The following MYOM2 variants were observed in gnomAD, a reference collection of about 807,000 sequenced individuals.
MYOM2 encodes myomesin 2, also known as myomesin-2.
A neutral mutation model predicts 187.6 loss-of-function variants in MYOM2; 254 were observed. The observed-to-expected ratio is 1.35, with a 90% CI of 1.22 to 1.50. The LOEUF (loss-of-function observed/expected upper bound fraction) is 1.50. Ranked by LOEUF, MYOM2 falls within the 40% of genes most tolerant of loss-of-function variation. The probability of loss-of-function intolerance (pLI) is 0.00; values close to 1 mark genes in which losing one functional copy is unlikely to be tolerated. For missense variants in MYOM2, 2,796 were observed against 1,924.0 expected, an observed-to-expected ratio of 1.45 and a Z score of -8.48; for synonymous variants, 981 against 753.8, an observed-to-expected ratio of 1.30 and a Z score of -4.94.
At chr8:2,051,134 T>C (rs1472277742) in intron 2 of MYOM2, among the ~76,000 whole-genome samples, 2 of 151,916 alleles carry the variant, frequency 1.3e-5, no homozygotes, top group African/African-American at 2.4e-5. Flanking sequence ...ATGAGCTCGT[T>C]GATTTTACTG....
intron 19 of MYOM2, chr8:2,100,557 C>G (rs1796671204): frequency 3.2e-6 from 1 of 317,162 alleles, no homozygotes; most frequent in South Asian, 4.9e-5. Flanking sequence ...TGGAGGGTAA[C>G]TTGAGAACCT....
chr8:2,109,819 A>C (rs1174082106), intron 25 of MYOM2, among the ~76,000 whole-genome samples: 9 of 152,202 alleles, frequency 5.9e-5, no homozygotes, highest in Non-Finnish European at 1.3e-4. Context: ...GGTGGGGGAA[A>C]ATATCCTTGA....
In MYOM2 at chr8:2,142,078, GA is replaced by G. The variant is rs33965995; in HGVS notation, c.4002-284del. ...CTCCAGTGCAATCTAGTGAATTTGT[GA>G]AAAAAAAAAAAATCTCTTCAACCTG... On this transcript the variant is annotated intron_variant, in intron 34 of 36. Coordinates refer to ENST00000262113, the MANE Select transcript of MYOM2 (RefSeq NM_003970.4). Among the ~76,000 whole-genome samples, 728 of 148,632 alleles carry G rather than the reference GA, an allele frequency of 4.9e-3. 15 individuals are homozygous for G. The highest frequency in any genetic ancestry group is 0.045 in the East Asian group (228 of 5,028).
At chr8:2,049,832 T>A (rs1173680482) in intron 1 of MYOM2, among the ~76,000 whole-genome samples, 1 of 152,168 alleles carries the variant, frequency 6.6e-6, no homozygotes, top group Non-Finnish European at 1.5e-5. Context: ...GATTGCCATG[T>A]CTAATACCTG....
rs201298942 is a variant in MYOM2 at position 2,116,015 on chromosome 8, G to T, written c.3236G>T (p.Arg1079Leu). 59 of 1,613,686 alleles carry T rather than the reference G, an allele frequency of 3.7e-5. No individual in the cohort carries two copies. In the Admixed American group the frequency reaches 7.5e-4, roughly 21 times the overall value. ...ATGIIEMVMDRFSIENEGTYT... is the reference protein window; with the variant it reads ...ATGIIEMVMDLFSIENEGTYT... Reference sequence around the variant, plus strand: ...GGCATTATTGAGATGGTGATGGATCGATTTAGTATTGAAAATGAGGGGACC... The same window carrying T: ...GGCATTATTGAGATGGTGATGGATCTATTTAGTATTGAAAATGAGGGGACC... The change falls in exon 26 of 37, where the codon CGA becomes CTA. Residue 1079 changes from arginine to leucine, a missense_variant. Coordinates refer to ENST00000262113, the MANE Select transcript of MYOM2 (RefSeq NM_003970.4).
At chr8:2,092,982 G>T (rs1401208253) in intron 16 of MYOM2, among the ~76,000 whole-genome samples, 1 of 152,170 alleles carries the variant, frequency 6.6e-6, no homozygotes, top group African/African-American at 2.4e-5. Flanking sequence ...AGCCTCGGGG[G>T]ATGCTGGTTG....
At position 2,106,259 on chromosome 8, in the gene MYOM2, G is replaced by A; in HGVS notation, c.2752G>A (p.Ala918Thr). 15 of 1,614,138 alleles carry A rather than the reference G, an allele frequency of 9.3e-6. No homozygotes were observed. Among genetic ancestry groups the A allele is most frequent in the Non-Finnish European group, 1.3e-5 (15 of 1,180,024 alleles). ...TTATGCAGGCACCAAGGAAATCAGT[G>A]CTGGTGTCGATGAACAAGGCAACAT... ...EARPGTKEIS[A>T]GVDEQGNIYL... The change falls in exon 22 of 37, where the codon GCT (alanine) becomes ACT (threonine). Residue 918 changes from alanine to threonine, a missense_variant. Transcript: ENST00000262113.
chr8:2,097,050 C>T, intron 18 of MYOM2: 7 of 881,768 alleles, frequency 7.9e-6, no homozygotes, highest in Non-Finnish European at 9.5e-6. Flanking sequence ...GAATGACCCT[C>T]ATCTCACACT....
At chr8:2,113,205 G>A (rs780639911) in intron 25 of MYOM2, among the ~76,000 whole-genome samples, 1 of 152,238 alleles carries the variant, frequency 6.6e-6, no homozygotes, top group Non-Finnish European at 1.5e-5. Flanking sequence ...GCTGGACATT[G>A]GATTCCCTCG....
rs191253956 is a variant in MYOM2 at position 2,085,172 on chromosome 8, C to T, written c.1517-91C>T. 1.7e-3 allele frequency: 2,559 copies of T among 1,482,334 alleles called. 88 individuals carry two copies. The Admixed American group carries it at 0.051, about 30-fold the overall frequency. The allele number at this position is 1,482,334 out of a possible 1,614,324, so 91.8% of individuals were successfully genotyped here. ...AATAGAAACAAAACAAGTTCAACAC[C>T]CACGTGGCAGAGTCCTCCAGTGCCC... is the stretch of plus-strand genomic sequence containing the variant. On this transcript the variant is annotated intron_variant, in intron 13 of 36. Transcript: ENST00000262113.
At chr8:2,107,186 C>G (rs1004230979) in intron 23 of MYOM2, among the ~76,000 whole-genome samples, 1 of 152,060 alleles carries the variant, frequency 6.6e-6, no homozygotes, top group Admixed American at 6.6e-5. Context: ...TTTTTTTAAA[C>G]TGCCTAGCAT....
intron 32 of MYOM2, among the ~76,000 whole-genome samples, chr8:2,130,214 C>A (rs1270042823): frequency 1.4e-5 from 2 of 142,202 alleles, no homozygotes; most frequent in Non-Finnish European, 1.5e-5. Flanking sequence ...TTAGTTAACG[C>A]CCGTCAGTAC....
At chr8:2,074,847 C>A (rs886965435) in intron 10 of MYOM2, among the ~76,000 whole-genome samples, 5 of 152,216 alleles carry the variant, frequency 3.3e-5, no homozygotes, top group Non-Finnish European at 7.3e-5. Context: ...GGGGCAGCCT[C>A]CTTGCTGAGG....
At chr8:2,124,970 T>C (rs1012961739) in intron 31 of MYOM2, among the ~76,000 whole-genome samples, 1 of 152,198 alleles carries the variant, frequency 6.6e-6, no homozygotes, top group African/African-American at 2.4e-5. Context: ...CAGTTCCTTA[T>C]GGATTTTGAA....
chr8:2,069,615 T>G (rs1016935866), intron 8 of MYOM2, 118 bp downstream of exon 8: 2 of 1,268,234 alleles, frequency 1.6e-6, no homozygotes, highest in East Asian at 4.6e-5. Context: ...GGAGTCTCAC[T>G]CTGTCACCCA....
chr8:2,069,574 T>G (rs987572849), intron 8 of MYOM2, 77 bp downstream of exon 8: 3 of 1,547,210 alleles, frequency 1.9e-6, no homozygotes, highest in Middle Eastern at 1.8e-4. Context: ...CATGGTTTCC[T>G]AAGGGCCAAA....
At chr8:2,056,835 T>G (rs1818682802) in intron 3 of MYOM2, among the ~76,000 whole-genome samples, 1 of 152,148 alleles carries the variant, frequency 6.6e-6, no homozygotes, top group Non-Finnish European at 1.5e-5. Context: ...ATCAAGCCGT[T>G]TATCGGATAA....
At chr8:2,074,047 A>G (rs2129335165) in intron 10 of MYOM2, among the ~76,000 whole-genome samples, 2 of 152,348 alleles carry the variant, frequency 1.3e-5, no homozygotes, top group South Asian at 4.1e-4. Flanking sequence ...TATGTCAGGC[A>G]GTGTGCTGGG....
intron 6 of MYOM2, among the ~76,000 whole-genome samples, chr8:2,065,870 C>G (rs1258141311): frequency 1.3e-5 from 2 of 152,214 alleles, no homozygotes; most frequent in Non-Finnish European, 2.9e-5. Flanking sequence ...TGAGTCTACA[C>G]TGACACCACA....
Sources: gnomAD v4.1 joint callset for allele counts (sites outside exome capture counted in the v4.1 genomes callset) on GRCh38, gnomAD v4.1.1 for gene constraint, MANE v1.5 for transcripts, NCBI Gene and HGNC (gene_info 2026-07-23, HGNC 2026-07-21) for gene names.